ARSG: variants seen among roughly 807,000 people sequenced by gnomAD.
ARSG encodes the protein arylsulfatase G.
In ARSG, 37 loss-of-function variants were observed where a neutral mutation model predicts 50.5. The observed-to-expected ratio is 0.73, with a 90% CI of 0.56 to 0.96. The LOEUF (loss-of-function observed/expected upper bound fraction) is 0.96. Among genes scored for constraint, ARSG ranks in the 50% least tolerant of loss-of-function variants. ARSG has a pLI of 0.00. For synonymous variants in ARSG, 225 were observed against 254.6 expected (o/e 0.88, Z 1.11); for missense variants, 629 against 675.3 (o/e 0.93, Z 0.76).
In ARSG at chr17:68,410,436, C is replaced by T. The variant is rs111790168; in HGVS notation, c.1303+8986C>T. On this transcript the variant is annotated intron_variant, in intron 11 of 11. Transcript: ENST00000621439. ...ATGCTGGATTACATTTATTGATTTGCGTATATTGAACCAGCCTTGCATCCC... is the reference window on the plus strand; with the variant it reads ...ATGCTGGATTACATTTATTGATTTGTGTATATTGAACCAGCCTTGCATCCC... 1.0e-4 allele frequency among the ~76,000 whole-genome samples: 15 copies of T among 147,518 alleles called. 1 individual carries two copies. The East Asian group carries it at 2.6e-3, about 25-fold the overall frequency.
At chr17:68,344,016 A>G (rs2078394046) in intron 3 of ARSG, among the ~76,000 whole-genome samples, 1 of 152,186 alleles carries the variant, frequency 6.6e-6, no homozygotes, top group Non-Finnish European at 1.5e-5. Context: ...GGTTGCTTTC[A>G]TTAATTCAGC....
rs144340592 is a variant in ARSG, at chr17:68,273,849, C to A, written c.-552+14423C>A. ...AGAAAGAGAAAGAAATATAGTTTGGCTTTAATTTCCTCCTTCCCCTTCCTT... is the reference window on the plus strand; with the variant it reads ...AGAAAGAGAAAGAAATATAGTTTGGATTTAATTTCCTCCTTCCCCTTCCTT... On this transcript the variant is annotated intron_variant, in intron 1 of 11. Transcript: ENST00000448504. The A allele has an allele frequency of 5.7e-4, 857 of 1,515,228 alleles. 5 individuals are homozygous for A. In the African/African-American group the frequency reaches 0.011, roughly 19 times the overall value. 93.9% of individuals were successfully genotyped at this position (1,515,228 alleles called of 1,614,324 possible). A position where few individuals can be genotyped will look rare whatever the true frequency, so the allele number is the denominator to read the frequency against.
intron 1 of ARSG, among the ~76,000 whole-genome samples, chr17:68,260,855 GA>G (rs778391512): frequency 2.7e-5 from 4 of 150,680 alleles, no homozygotes; most frequent in African/African-American, 4.9e-5. Context: ...AAGCATTATG[GA>G]AAAAAAAAGT....
intron 2 of ARSG, among the ~76,000 whole-genome samples, chr17:68,310,066 C>T (rs971002814): frequency 2.0e-4 from 31 of 151,346 alleles, no homozygotes; most frequent in Non-Finnish European, 3.2e-4. Flanking sequence ...CTCCATCTCC[C>T]GGGTTCAAGC....
At chr17:68,324,977 T>A (rs188723422) in intron 2 of ARSG, among the ~76,000 whole-genome samples, 146 of 152,254 alleles carry the variant, frequency 9.6e-4, no homozygotes, top group African/African-American at 2.9e-3. Flanking sequence ...CCTCCCTCAC[T>A]GACCAGTGAG....
At chr17:68,393,771 G>T (rs1208081759) in intron 9 of ARSG, among the ~76,000 whole-genome samples, 1 of 150,784 alleles carries the variant, frequency 6.6e-6, no homozygotes, top group Non-Finnish European at 1.5e-5. Flanking sequence ...GGAGGCTGAT[G>T]CAGGAGAATC....
At chr17:68,437,056 C>A in the ARSG span, among the ~76,000 whole-genome samples, 8 of 119,202 alleles carry the variant, frequency 6.7e-5, no homozygotes, top group African/African-American at 3.1e-4. Flanking sequence ...CTCATTTTTA[C>A]ATTTTACCCC....
intron 9 of ARSG, among the ~76,000 whole-genome samples, chr17:68,391,697 T>G (rs1266683713): frequency 6.6e-6 from 1 of 152,184 alleles, no homozygotes; most frequent in East Asian, 1.9e-4. Context: ...CAGACTGCTT[T>G]GTGGTCCTCT....
At chr17:68,418,262 T>C (rs1205056240) in intron 11 of ARSG, among the ~76,000 whole-genome samples, 3 of 152,224 alleles carry the variant, frequency 2.0e-5, no homozygotes, top group Non-Finnish European at 4.4e-5. Context: ...CTTGAACTTA[T>C]AAAGCCTTAG....
chr17:68,370,631 G>A (rs913966204), intron 8 of ARSG, 107 bp downstream of exon 8: 17 of 962,200 alleles, frequency 1.8e-5, no homozygotes, highest in Admixed American at 1.3e-4. Context: ...GGGCCTTAGG[G>A]TCATCATTGT....
chr17:68,327,775 A>G (rs1422581006), intron 2 of ARSG, among the ~76,000 whole-genome samples: 1 of 152,154 alleles, frequency 6.6e-6, no homozygotes, highest in Non-Finnish European at 1.5e-5. Flanking sequence ...AGAGGCTGAT[A>G]GGTAGGTTGA....
intron 2 of ARSG, among the ~76,000 whole-genome samples, chr17:68,328,977 A>G (rs1008512634): frequency 2.6e-5 from 4 of 152,220 alleles, no homozygotes; most frequent in African/African-American, 9.6e-5. Flanking sequence ...GCTCTTGTGG[A>G]ACTCTAATCT....
chr17:68,432,924 G>T, the ARSG span, among the ~76,000 whole-genome samples: 11 of 152,230 alleles, frequency 7.2e-5, no homozygotes, highest in South Asian at 2.1e-4. Flanking sequence ...CTGCCCTGAA[G>T]TTCTTTTTAC....
intron 11 of ARSG, among the ~76,000 whole-genome samples, chr17:68,412,134 T>G (rs1285913959): frequency 2.0e-5 from 3 of 152,236 alleles, no homozygotes; most frequent in African/African-American, 7.2e-5. Flanking sequence ...AAAGTTAATA[T>G]TGTTACATGT....
At chr17:68,301,853 C>T (rs1311625096) in intron 1 of ARSG, among the ~76,000 whole-genome samples, 5 of 151,976 alleles carry the variant, frequency 3.3e-5, no homozygotes, top group Admixed American at 6.6e-5. Flanking sequence ...CTGATGGCTG[C>T]GTAGCTTCCT....
At chr17:68,388,432 G>A (rs2147061179) in intron 9 of ARSG, among the ~76,000 whole-genome samples, 1 of 152,226 alleles carries the variant, frequency 6.6e-6, no homozygotes, top group East Asian at 1.9e-4. Flanking sequence ...TGTCCCCGGG[G>A]AGAATGAACT....
At chr17:68,302,907 A>G (rs1599633224) in intron 1 of ARSG, among the ~76,000 whole-genome samples, 1 of 152,048 alleles carries the variant, frequency 6.6e-6, no homozygotes, top group African/African-American at 2.4e-5. Context: ...CAGTGGAAGG[A>G]GGGGTGAATG....
At chr17:68,360,401 A>G (rs1335596201) in intron 6 of ARSG, among the ~76,000 whole-genome samples, 1 of 152,040 alleles carries the variant, frequency 6.6e-6, no homozygotes, top group African/African-American at 2.4e-5. Context: ...CCTGTTTTTC[A>G]AAACCACCAG....
At chr17:68,351,449 T>C in intron 4 of ARSG, 126 bp from the exon 5 acceptor site, 1 of 596,794 alleles carries the variant, frequency 1.7e-6, no homozygotes, top group Non-Finnish European at 3.1e-6. Flanking sequence ...AATCCTCTTA[T>C]AATTACATAC....
Sources: gnomAD v4.1 joint callset for allele counts (sites outside exome capture counted in the v4.1 genomes callset) on GRCh38, gnomAD v4.1.1 for gene constraint, MANE v1.5 for transcripts, NCBI Gene and HGNC (gene_info 2026-07-23, HGNC 2026-07-21) for gene names.